PPFIA2: variants seen among roughly 807,000 people sequenced by gnomAD.
The protein encoded by PPFIA2 is PPFI scaffold protein A2.
PPFIA2 carries 46 observed loss-of-function variants against 175.5 expected under a neutral mutation model. That is an observed-to-expected ratio of 0.26 (90% CI 0.21 to 0.34). The LOEUF (loss-of-function observed/expected upper bound fraction) is 0.34. PPFIA2 is among the 10% of genes least tolerant of loss of function. The pLI is 1.00. For synonymous variants in PPFIA2, 568 were observed against 511.4 expected (o/e 1.11, Z -1.49); for missense variants, 1,179 against 1,506.1 (o/e 0.78, Z 3.60).
At chr12:81,522,777 C>T (rs2063305948) in intron 4 of PPFIA2, among the ~76,000 whole-genome samples, 1 of 152,130 alleles carries the variant, frequency 6.6e-6, no homozygotes, top group Non-Finnish European at 1.5e-5. Context: ...CTCCAGCTTG[C>T]TTTGACTGCA....
At chr12:81,705,901 C>T (rs1403203464) in intron 3 of PPFIA2, among the ~76,000 whole-genome samples, 1 of 152,190 alleles carries the variant, frequency 6.6e-6, no homozygotes, top group African/African-American at 2.4e-5. Flanking sequence ...TCCAATTCAG[C>T]AGCTACTAGT....
chr12:81,303,494 T>A (rs184166058), intron 22 of PPFIA2, among the ~76,000 whole-genome samples: 3 of 152,296 alleles, frequency 2.0e-5, no homozygotes, highest in Middle Eastern at 3.4e-3. Flanking sequence ...AAGAAACAGT[T>A]ATTTTGAGAC....
intron 4 of PPFIA2, among the ~76,000 whole-genome samples, chr12:81,600,586 T>C (rs2059686578): frequency 2.6e-5 from 4 of 152,020 alleles, no homozygotes; most frequent in Admixed American, 2.0e-4. Context: ...TTAATATTTT[T>C]CCCTTCTGAT....
At chr12:81,619,965 C>G (rs2061848454) in intron 4 of PPFIA2, among the ~76,000 whole-genome samples, 1 of 151,918 alleles carries the variant, frequency 6.6e-6, no homozygotes, top group African/African-American at 2.4e-5. Context: ...CGAGACCATC[C>G]TGGCTAAGGC....
At chr12:81,634,744 C>G (rs541571771) in intron 4 of PPFIA2, among the ~76,000 whole-genome samples, 4 of 152,156 alleles carry the variant, frequency 2.6e-5, no homozygotes, top group African/African-American at 9.6e-5. Context: ...AAACATAATT[C>G]TGAAAATTCC....
intron 4 of PPFIA2, among the ~76,000 whole-genome samples, chr12:81,505,203 T>C (rs2061016978): frequency 6.6e-6 from 1 of 151,094 alleles, no homozygotes; most frequent in African/African-American, 2.4e-5. Context: ...CAAACCACCA[T>C]GGCACATGTA....
rs1220934413 is a variant in PPFIA2 at position 81,749,685 on chromosome 12, T to G, written c.249+4288A>C. On this transcript the variant is annotated intron_variant, in intron 3 of 32. Transcript: ENST00000549396. ...GCATTCTGGATAAAACAAATGCAAG[T>G]AATTCCATATTTAATTTTTTATACA... Among the ~76,000 whole-genome samples, 2 of 144,386 alleles carry G rather than the reference T, an allele frequency of 1.4e-5. 1 individual carries two copies. Among genetic ancestry groups the G allele is most frequent in the Non-Finnish European group, 3.1e-5 (2 of 64,400 alleles). 94.7% of individuals were successfully genotyped at this position (144,386 alleles called of 152,430 possible).
chr12:81,716,206 T>C (rs1016102384), intron 3 of PPFIA2, among the ~76,000 whole-genome samples: 14 of 151,734 alleles, frequency 9.2e-5, no homozygotes, highest in African/African-American at 3.1e-4. Context: ...ATAAAGTTTG[T>C]TCTAGAATGT....
At chr12:81,412,469 C>T (rs1292733215) in intron 7 of PPFIA2, among the ~76,000 whole-genome samples, 1 of 151,756 alleles carries the variant, frequency 6.6e-6, no homozygotes, top group Non-Finnish European at 1.5e-5. Flanking sequence ...AACTTTGCAT[C>T]TACATTATCT....
intron 4 of PPFIA2, among the ~76,000 whole-genome samples, chr12:81,637,236 A>ATTTTTTTTT (rs71098156): frequency 1.5e-5 from 1 of 65,920 alleles, no homozygotes; most frequent in Non-Finnish European, 2.6e-5. Flanking sequence ...CGCCAGGCTA[A>ATTTTTTTTT]TTTTTTTTTT....
chr12:81,399,863 C>A (rs1008684678), intron 8 of PPFIA2, among the ~76,000 whole-genome samples: 4 of 152,048 alleles, frequency 2.6e-5, no homozygotes, highest in Non-Finnish European at 5.9e-5. Context: ...GAGTGCAATC[C>A]ATTTGTAAAT....
At chr12:81,355,831 G>T (rs80061200) in intron 16 of PPFIA2, among the ~76,000 whole-genome samples, 2,064 of 152,268 alleles carry the variant, frequency 0.014, 50 homozygotes, top group East Asian at 0.048. Flanking sequence ...TTTGGTTTAA[G>T]GGAATGTTGT....
At chr12:81,336,351 T>C (rs1322568851) in intron 21 of PPFIA2, among the ~76,000 whole-genome samples, 1 of 152,214 alleles carries the variant, frequency 6.6e-6, no homozygotes, top group Non-Finnish European at 1.5e-5. Context: ...TCTATGCTAG[T>C]AATACATTAG....
chr12:81,521,076 T>G (rs534618915), intron 4 of PPFIA2, among the ~76,000 whole-genome samples: 3 of 152,108 alleles, frequency 2.0e-5, no homozygotes, highest in African/African-American at 7.2e-5. Context: ...TTCCAAAAAT[T>G]ATGCCATGTT....
chr12:81,287,038 G>A (rs1593916151), intron 24 of PPFIA2, among the ~76,000 whole-genome samples: 1 of 151,860 alleles, frequency 6.6e-6, no homozygotes, highest in Non-Finnish European at 1.5e-5. Context: ...GGAGAGTGCT[G>A]TGCTGAAAAG....
chr12:81,542,460 T>C (rs556833143), intron 4 of PPFIA2, among the ~76,000 whole-genome samples: 104 of 152,270 alleles, frequency 6.8e-4, no homozygotes, highest in Non-Finnish European at 9.0e-4. Context: ...ACAAATAAAA[T>C]AGATACGTAG....
intron 7 of PPFIA2, chr12:81,430,524 A>ACTCTCTCTCTCTCTCTCTCTCT (rs10570346): frequency 7.8e-6 from 1 of 127,582 alleles, no homozygotes; most frequent in Admixed American, 7.8e-5. Flanking sequence ...TATGCTTAAA[A>ACTCTCTCTCTCTCTCTCTCTCT]CTCTCTCTCT....
At chr12:81,744,071 AT>A (rs1429498327) in intron 3 of PPFIA2, among the ~76,000 whole-genome samples, 3 of 152,190 alleles carry the variant, frequency 2.0e-5, no homozygotes, top group African/African-American at 7.2e-5. Context: ...AAAATAGTAA[AT>A]TCTTTTGTAT....
intron 21 of PPFIA2, among the ~76,000 whole-genome samples, chr12:81,326,671 G>A (rs1297350724): frequency 6.6e-6 from 1 of 151,858 alleles, no homozygotes; most frequent in Non-Finnish European, 1.5e-5. Flanking sequence ...ACATATCACA[G>A]GATTTCTAAA....
Sources: gnomAD v4.1 joint callset for allele counts (sites outside exome capture counted in the v4.1 genomes callset) on GRCh38, gnomAD v4.1.1 for gene constraint, MANE v1.5 for transcripts, NCBI Gene and HGNC (gene_info 2026-07-23, HGNC 2026-07-21) for gene names.